The following DNAH14 variants were observed in gnomAD, a reference collection of about 807,000 sequenced individuals.
The protein encoded by DNAH14 is axonemal beta dynein heavy chain 14.
In DNAH14, 478 loss-of-function variants were observed where a neutral mutation model predicts 520.9. The observed-to-expected ratio is 0.92, with a 90% CI of 0.85 to 0.99. The LOEUF (loss-of-function observed/expected upper bound fraction) is 0.99, where lower values mean the gene tolerates loss of function less well. Among genes scored for constraint, DNAH14 ranks in the 50% least tolerant of loss-of-function variants. The pLI, the probability that DNAH14 is intolerant of heterozygous loss-of-function variation, is 0.00. For missense variants in DNAH14, 4,831 were observed against 5,234.5 expected, an observed-to-expected ratio of 0.92 and a Z score of 2.38; for synonymous variants, 1,581 against 1,757.2, an observed-to-expected ratio of 0.90 and a Z score of 2.51.
intron 13 of DNAH14, among the ~76,000 whole-genome samples, chr1:225,043,415 A>G (rs2501105): frequency 1 from 151,979 of 152,360 alleles, 75,801 homozygotes; most frequent in Middle Eastern, 1. Context: ...AAATACTGCT[A>G]AAAGTAAGGA....
At position 225,235,197 on chromosome 1, in the gene DNAH14, T is replaced by A. The variant is rs11801128; in HGVS notation, c.6518+4046T>A. 4.5e-3 allele frequency among the ~76,000 whole-genome samples: 683 copies of A among 152,332 alleles called. 4 individuals are homozygous for A. The highest frequency in any genetic ancestry group is 0.016 in the African/African-American group (651 of 41,578). On this transcript the variant is annotated intron_variant, in intron 42 of 85. Coordinates refer to ENST00000682510, the MANE Select transcript of DNAH14 (RefSeq NM_001367479.1). ...GCTGTGGGTTTGTTATATATGGTTC[T>A]TATTATTTTGAGGTTCCTTCAATAC...
Position 225,265,254 on chromosome 1 carries a change from T to C in DNAH14, c.7295T>C (p.Val2432Ala), listed in dbSNP as rs1002017329. ...AAAAATAATGATCATAAAGGAGTTG[T>C]AGTCTCTACAATAAATTTTAGCACC... Reference protein sequence around the residue: ...LLKNNDHKGVVVSTINFSTNV... With the variant: ...LLKNNDHKGVAVSTINFSTNV... The change falls in exon 48 of 86, where the codon GTA (valine) becomes GCA (alanine). Residue 2432 changes from valine to alanine, a missense_variant. Physicochemically the swap from Val to Ala is moderately conservative, Grantham distance 64 (BLOSUM62 0). Coordinates refer to ENST00000682510, the MANE Select transcript of DNAH14 (RefSeq NM_001367479.1). 18 of 1,540,100 alleles carry C rather than the reference T, an allele frequency of 1.2e-5. No individual in the cohort carries two copies. The highest frequency in any genetic ancestry group is 1.6e-5 in the Non-Finnish European group (18 of 1,143,070).
At chr1:225,088,999 G>A (rs2074077734) in intron 21 of DNAH14, among the ~76,000 whole-genome samples, 2 of 152,116 alleles carry the variant, frequency 1.3e-5, no homozygotes, top group African/African-American at 4.8e-5. Flanking sequence ...GATGGCTTGT[G>A]CTATTTCTTT....
At chr1:224,991,123 C>G (rs1286587267) in intron 8 of DNAH14, among the ~76,000 whole-genome samples, 1 of 91,310 alleles carries the variant, frequency 1.1e-5, no homozygotes, top group Admixed American at 1.7e-4. Context: ...GAGACGGAGT[C>G]TTCCTCTGTT....
intron 17 of DNAH14, among the ~76,000 whole-genome samples, chr1:225,059,272 A>G (rs917003212): frequency 6.6e-6 from 1 of 152,134 alleles, no homozygotes; most frequent in African/African-American, 2.4e-5. Flanking sequence ...TCCCTTTACC[A>G]TTATGTAATG....
chr1:225,156,883 T>G (rs562134424), intron 34 of DNAH14, among the ~76,000 whole-genome samples: 2 of 137,144 alleles, frequency 1.5e-5, no homozygotes, highest in Non-Finnish European at 3.1e-5. Flanking sequence ...CCCGGCTAAT[T>G]TTTTTGTATT....
chr1:225,295,903 A>G (rs1226018196), intron 55 of DNAH14, among the ~76,000 whole-genome samples: 1 of 152,104 alleles, frequency 6.6e-6, no homozygotes, highest in African/African-American at 2.4e-5. Flanking sequence ...ATAATATTTG[A>G]TTTATATATC....
intron 11 of DNAH14, among the ~76,000 whole-genome samples, chr1:225,029,574 A>T (rs1171777932): frequency 6.6e-6 from 1 of 151,998 alleles, no homozygotes; most frequent in East Asian, 1.9e-4. Flanking sequence ...GTCTAGAGGA[A>T]GGGAGAGATA....
At chr1:224,930,007 G>GC (rs1220988221) in intron 1 of DNAH14, among the ~76,000 whole-genome samples, 172 bp downstream of exon 1, 1 of 152,092 alleles carries the variant, frequency 6.6e-6, no homozygotes, top group African/African-American at 2.4e-5. Flanking sequence ...CCCTCACCAG[G>GC]CAGATGCTGG....
intron 42 of DNAH14, among the ~76,000 whole-genome samples, chr1:225,235,584 CA>C: frequency 6.6e-6 from 1 of 152,172 alleles, no homozygotes; most frequent in South Asian, 2.1e-4. Flanking sequence ...CCCTCATTTT[CA>C]ATTGTTTGTA....
chr1:225,046,358 C>T (rs2067963332), intron 15 of DNAH14, among the ~76,000 whole-genome samples: 1 of 152,068 alleles, frequency 6.6e-6, no homozygotes, highest in Non-Finnish European at 1.5e-5. Context: ...GATATGGTAT[C>T]ATAAGAGAGG....
intron 38 of DNAH14, among the ~76,000 whole-genome samples, chr1:225,198,046 T>C (rs1478386094): frequency 6.6e-6 from 1 of 152,158 alleles, no homozygotes. Context: ...CTTGTCTGAT[T>C]GCTCTGGCTA....
chr1:225,097,325 C>A, intron 22 of DNAH14, 86 bp downstream of exon 22: 1 of 1,282,494 alleles, frequency 7.8e-7, no homozygotes, highest in Non-Finnish European at 1.0e-6. Flanking sequence ...ATCATTTCTT[C>A]AATGAACAAA....
At chr1:224,956,270 G>A (rs2060504105) in intron 3 of DNAH14, among the ~76,000 whole-genome samples, 1 of 152,012 alleles carries the variant, frequency 6.6e-6, no homozygotes, top group Non-Finnish European at 1.5e-5. Flanking sequence ...CTCTGGACTA[G>A]ACCATACTTT....
intron 54 of DNAH14, among the ~76,000 whole-genome samples, chr1:225,279,951 A>T (rs1360637379): frequency 6.6e-6 from 1 of 150,972 alleles, no homozygotes; most frequent in Non-Finnish European, 1.5e-5. Flanking sequence ...AAAGCATACA[A>T]AAATGACTCT....
At chr1:225,372,090 T>G (rs771626953) in intron 77 of DNAH14, among the ~76,000 whole-genome samples, 2 of 152,156 alleles carry the variant, frequency 1.3e-5, no homozygotes, top group African/African-American at 2.4e-5. Flanking sequence ...CACAGTTCGT[T>G]TTTTTAATCC....
chr1:225,004,950 G>A (rs544130520), intron 9 of DNAH14, among the ~76,000 whole-genome samples: 45 of 152,222 alleles, frequency 3.0e-4, no homozygotes, highest in African/African-American at 8.4e-4. Flanking sequence ...GGAATTTCTC[G>A]AACTGGAAGG....
At chr1:224,941,363 GTTGT>G (rs1378904070) in intron 1 of DNAH14, among the ~76,000 whole-genome samples, 6 of 152,030 alleles carry the variant, frequency 3.9e-5, no homozygotes, top group Admixed American at 3.3e-4. Context: ...TTTTGATGGG[GTTGT>G]TTGTTTTTTT....
intron 84 of DNAH14, among the ~76,000 whole-genome samples, chr1:225,394,834 ACT>A (rs1188082899): frequency 6.9e-5 from 10 of 144,014 alleles, no homozygotes; most frequent in Non-Finnish European, 1.4e-4. Context: ...ACAGAGAGAG[ACT>A]CTGTCTAAAA....
Sources: gnomAD v4.1 joint callset for allele counts (sites outside exome capture counted in the v4.1 genomes callset) on GRCh38, gnomAD v4.1.1 for gene constraint, MANE v1.5 for transcripts, NCBI Gene and HGNC (gene_info 2026-07-23, HGNC 2026-07-21) for gene names.